The following ACKR2 variants were observed in gnomAD, a reference collection of about 807,000 sequenced individuals.
The protein encoded by ACKR2 is C-C chemokine receptor D6.
For missense variants in ACKR2, 457 were observed against 477.3 expected (o/e 0.96, Z 0.40); for synonymous variants, 207 against 192.2 (o/e 1.08, Z -0.64).
chr3:42,830,471 A>C (rs1406716293), intron 2 of ACKR2, among the ~76,000 whole-genome samples: 3 of 152,222 alleles, frequency 2.0e-5, no homozygotes, highest in Admixed American at 2.0e-4. Context: ...AACCCCTAAA[A>C]GTGGCAAAAT....
intron 2 of ACKR2, among the ~76,000 whole-genome samples, chr3:42,859,654 C>G (rs2088360106): frequency 6.6e-6 from 1 of 152,052 alleles, no homozygotes; most frequent in Non-Finnish European, 1.5e-5. Flanking sequence ...GTGCTGGGAT[C>G]ACAGACGTGA....
At chr3:42,831,968 A>C (rs1700936035) in intron 2 of ACKR2, among the ~76,000 whole-genome samples, 1 of 152,242 alleles carries the variant, frequency 6.6e-6, no homozygotes, top group Non-Finnish European at 1.5e-5. Flanking sequence ...AGGCAGAACC[A>C]ATTTATTCAG....
intron 2 of ACKR2, among the ~76,000 whole-genome samples, chr3:42,857,610 G>A (rs980513158): frequency 6.6e-6 from 1 of 152,126 alleles, no homozygotes; most frequent in East Asian, 1.9e-4. Flanking sequence ...AGTTTAGTAG[G>A]TTCTGAGCCC....
chr3:42,825,989 G>A (rs1700860543), intron 2 of ACKR2, among the ~76,000 whole-genome samples: 1 of 151,154 alleles, frequency 6.6e-6, no homozygotes, highest in South Asian at 2.1e-4. Context: ...ATCTGTTAAG[G>A]TGATCATGTG....
chr3:42,843,559 G>A (rs189282481), intron 2 of ACKR2, among the ~76,000 whole-genome samples: 1 of 152,224 alleles, frequency 6.6e-6, no homozygotes, highest in East Asian at 1.9e-4. Flanking sequence ...AAACAGGCCT[G>A]GATTCTCATC....
At position 42,828,101 on chromosome 3, in the gene ACKR2, T is replaced by TC. The variant is rs1553699784; in HGVS notation, c.-38+8390_-38+8391insC. Reference sequence around the variant, plus strand: ...ATATATATATATATATATTTTTTTTTTTTTCTTTTCTTTTCTTTTCTTTTC... The same window carrying TC: ...ATATATATATATATATATTTTTTTTTCTTTTCTTTTCTTTTCTTTTCTTTTC... On this transcript the variant is annotated intron_variant, in intron 2 of 2. Coordinates refer to ENST00000422265, the MANE Select transcript of ACKR2 (RefSeq NM_001296.5). Among the ~76,000 whole-genome samples the TC allele has an allele frequency of 5.5e-5, 8 of 144,654 alleles. No homozygotes were observed. The South Asian group carries it at 1.1e-3, about 20-fold the overall frequency. The allele number at this position is 144,654 out of a possible 152,430, so 94.9% of individuals were successfully genotyped here.
Position 42,865,209 on chromosome 3 carries a change from T to A in ACKR2, c.707T>A (p.Val236Asp). 6.2e-7 allele frequency: 1 copy of A among 1,614,180 alleles called. No homozygotes were observed. The highest frequency in any genetic ancestry group is 8.5e-7 in the Non-Finnish European group (1 of 1,180,030). Residue 236 changes from valine (V) to aspartate (D), a missense_variant, in exon 3 of 3, where the codon GTC (valine) becomes GAC (aspartate). Physicochemically the swap from Val to Asp is radical, Grantham distance 152 (BLOSUM62 -3). Coordinates refer to ENST00000422265, the MANE Select transcript of ACKR2 (RefSeq NM_001296.5). Reference sequence around the variant, plus strand: ...TTCTTCTACTCCCGTATTGGTTGTGTCTTGGTGAGGCTGAGGCCCGCAGGC... The same window carrying A: ...TTCTTCTACTCCCGTATTGGTTGTGACTTGGTGAGGCTGAGGCCCGCAGGC... ...MIFFYSRIGC[V>D]LVRLRPAGQG...
At chr3:42,860,664 C>G (rs1377292423) in intron 2 of ACKR2, among the ~76,000 whole-genome samples, 7 of 152,198 alleles carry the variant, frequency 4.6e-5, no homozygotes, top group Non-Finnish European at 8.8e-5. Context: ...CAAACAGTCT[C>G]TCAGACCACA....
chr3:42,811,144 C>G (rs1700690297), intron 1 of ACKR2, among the ~76,000 whole-genome samples: 1 of 152,046 alleles, frequency 6.6e-6, no homozygotes, highest in Non-Finnish European at 1.5e-5. Context: ...GCCACAGTGG[C>G]AGGCCCTCAT....
At chr3:42,816,722 A>AT (rs1235598359) in intron 1 of ACKR2, among the ~76,000 whole-genome samples, 1 of 151,640 alleles carries the variant, frequency 6.6e-6, no homozygotes, top group African/African-American at 2.4e-5. Context: ...ACACCTGGCT[A>AT]TTTTTTTCTA....
intron 1 of ACKR2, among the ~76,000 whole-genome samples, chr3:42,819,238 T>C (rs969621945): frequency 2.6e-5 from 4 of 152,212 alleles, no homozygotes; most frequent in South Asian, 4.1e-4. Context: ...GGTTATATCC[T>C]GATTTTTAAA....
intron 2 of ACKR2, among the ~76,000 whole-genome samples, chr3:42,859,936 G>A (rs983331674): frequency 9.2e-5 from 14 of 151,664 alleles, no homozygotes; most frequent in African/African-American, 3.4e-4. Context: ...CAACTAATGG[G>A]AAAAATAACC....
At chr3:42,854,063 C>T (rs967713630) in intron 2 of ACKR2, among the ~76,000 whole-genome samples, 2 of 151,956 alleles carry the variant, frequency 1.3e-5, no homozygotes, top group Non-Finnish European at 2.9e-5. Flanking sequence ...GGTAGGGCGG[C>T]CGTGAAATTG....
rs181555227 is a variant in ACKR2, at chr3:42,843,132, T to G, written c.-37-21334T>G. ...CTCTGTTGTCCAGGCTGGAGTGCAG[T>G]GGCACAATCACGGCTCACTGCAACC... On this transcript the variant is annotated intron_variant, in intron 2 of 2. Transcript: ENST00000422265. Among the ~76,000 whole-genome samples the G allele has an allele frequency of 2.4e-4, 36 of 151,940 alleles. No individual in the cohort carries two copies. In the East Asian group the frequency reaches 6.0e-3, roughly 25 times the overall value.
rs56332875 is a variant in ACKR2, at chr3:42,816,189, CGTGTGTGTGTGT to C, written c.-118-3421_-118-3410del. Among the ~76,000 whole-genome samples the C allele has an allele frequency of 7.5e-5, 11 of 145,952 alleles. No homozygotes were observed. In the East Asian group the frequency reaches 1.0e-3, roughly 13 times the overall value. ...AACCTATAAACACAATTGATAGTTTCGTGTGTGTGTGTGTGTGTGTGTGTGTGTGTGTACTTT... is the reference window on the plus strand; with the variant it reads ...AACCTATAAACACAATTGATAGTTTCGTGTGTGTGTGTGTGTGTGTACTTT... On this transcript the variant is annotated intron_variant, in intron 1 of 2. Coordinates refer to ENST00000422265, the MANE Select transcript of ACKR2 (RefSeq NM_001296.5).
chr3:42,863,349 G>A (rs961264862), intron 2 of ACKR2, among the ~76,000 whole-genome samples: 1 of 152,230 alleles, frequency 6.6e-6, no homozygotes, highest in Non-Finnish European at 1.5e-5. Flanking sequence ...TCATTAAAAA[G>A]TCAGGATAAA....
chr3:42,834,437 C>T (rs1396522132), intron 2 of ACKR2, among the ~76,000 whole-genome samples: 1 of 151,968 alleles, frequency 6.6e-6, no homozygotes, highest in African/African-American at 2.4e-5. Context: ...TACAGTCACA[C>T]GATCATGCCT....
At chr3:42,847,737 T>A (rs987856853) in intron 2 of ACKR2, among the ~76,000 whole-genome samples, 2 of 135,982 alleles carry the variant, frequency 1.5e-5, no homozygotes, top group Non-Finnish European at 3.1e-5. Context: ...GGAGGGAGGA[T>A]GCCTGATGGA....
At chr3:42,832,364 C>T (rs1371062089) in intron 2 of ACKR2, among the ~76,000 whole-genome samples, 1 of 152,016 alleles carries the variant, frequency 6.6e-6, no homozygotes, top group Non-Finnish European at 1.5e-5. Context: ...TGGTGGGCAC[C>T]TGTAATCCCA....
Sources: allele counts gnomAD v4.1 joint callset (sites outside exome capture counted in the v4.1 genomes callset), GRCh38; gene constraint gnomAD v4.1.1; transcripts MANE v1.5; gene names NCBI Gene and HGNC (gene_info 2026-07-23, HGNC 2026-07-21).